Variants in ATG3 observed in about 807,000 individuals in gnomAD.
ATG3 encodes the protein ubiquitin-like-conjugating enzyme ATG3.
A neutral mutation model predicts 50.7 loss-of-function variants in ATG3; 25 were observed. That is an observed-to-expected ratio of 0.49 (90% CI 0.36 to 0.69). ATG3 has a LOEUF of 0.69. ATG3 is among the 30% of genes least tolerant of loss of function. The pLI, the probability that ATG3 is intolerant of heterozygous loss-of-function variation, is 0.00. For missense variants in ATG3, 281 were observed against 376.0 expected, an observed-to-expected ratio of 0.75 and a Z score of 2.09; for synonymous variants, 119 against 125.5, an observed-to-expected ratio of 0.95 and a Z score of 0.34.
At chr3:112,538,212 A>G in intron 7 of ATG3, 32 bp from the exon 8 acceptor site, 1 of 1,502,238 alleles carries the variant, frequency 6.7e-7, no homozygotes, top group Non-Finnish European at 9.1e-7. Flanking sequence ...AGATTAATCA[A>G]GTTCAAGTTC....
At position 112,533,801 on chromosome 3, in the gene ATG3, CTT is replaced by C; in HGVS notation, c.863+466_863+467del. The stretch of plus-strand genomic sequence containing the variant: ...TAAGATACAAGAAAGGTGCTACTGT[CTT>C]GAGAAAAATGAACGTACTATATTTT... On this transcript the variant is annotated intron_variant, in intron 11 of 11. Coordinates refer to ENST00000283290, the MANE Select transcript of ATG3 (RefSeq NM_022488.5). 3 of 985,622 alleles carry C rather than the reference CTT, an allele frequency of 3.0e-6. No individual in the cohort carries two copies. In the South Asian group the frequency reaches 1.4e-4, roughly 46 times the overall value. 61.1% of individuals were successfully genotyped at this position (985,622 alleles called of 1,614,324 possible).
At chr3:112,549,456 A>G (rs1197399565) in intron 4 of ATG3, among the ~76,000 whole-genome samples, 2 of 152,210 alleles carry the variant, frequency 1.3e-5, no homozygotes, top group Non-Finnish European at 2.9e-5. Flanking sequence ...TTTTGTGATT[A>G]GTTAGGAACT....
chr3:112,532,621 A>G lies in ATG3; in HGVS notation c.*78T>C. ...AGAGAAACTGTATATATTGATGAAT[A>G]TGGTCAATGGTCACATCTATGGGTT... On this transcript the variant is annotated 3_prime_UTR_variant, in exon 12 of 12. Coordinates refer to ENST00000283290, the MANE Select transcript of ATG3 (RefSeq NM_022488.5). 3.7e-6 allele frequency: 4 copies of G among 1,070,418 alleles called. No individual in the cohort carries two copies. In the South Asian group the frequency reaches 6.5e-5, roughly 17 times the overall value. 66.3% of individuals were successfully genotyped at this position (1,070,418 alleles called of 1,614,324 possible). A position where few individuals can be genotyped will look rare whatever the true frequency, so the allele number is the denominator to read the frequency against.
At chr3:112,549,248 G>A (rs972891080) in intron 4 of ATG3, among the ~76,000 whole-genome samples, 5 of 152,088 alleles carry the variant, frequency 3.3e-5, no homozygotes, top group Admixed American at 6.5e-5. Flanking sequence ...CTAAGATTGG[G>A]TAATTATATG....
chr3:112,533,983 A>G (rs1381874017), intron 11 of ATG3: 29 of 1,158,322 alleles, frequency 2.5e-5, no homozygotes, highest in Non-Finnish European at 3.0e-5. Flanking sequence ...TTAAACTGGA[A>G]ATGTACATAA....
chr3:112,553,109 C>T (rs1319026295), intron 3 of ATG3, among the ~76,000 whole-genome samples, 171 bp downstream of exon 3: 1 of 152,132 alleles, frequency 6.6e-6, no homozygotes, highest in Admixed American at 6.5e-5. Flanking sequence ...AGGTATAACA[C>T]CCACTTGTTC....
intron 10 of ATG3, 90 bp from the exon 11 acceptor site, chr3:112,534,427 T>C (rs1932967448): frequency 1.0e-6 from 1 of 997,834 alleles, no homozygotes; most frequent in Non-Finnish European, 1.4e-6. Flanking sequence ...AAATCGACCC[T>C]ATTACTCTCA....
chr3:112,561,550 G>A lies in ATG3; in HGVS notation c.-22C>T. 1.9e-6 allele frequency: 3 copies of A among 1,595,234 alleles called. No individual in the cohort carries two copies. Among genetic ancestry groups the A allele is most frequent in the African/African-American group, 1.3e-5 (1 of 74,690 alleles). ...GCATCCTGGGGCCGGAGTAGCGGCCGGCCCCGCGACGGGATGGAAAGTGCA... is the reference window on the plus strand; with the variant it reads ...GCATCCTGGGGCCGGAGTAGCGGCCAGCCCCGCGACGGGATGGAAAGTGCA... On this transcript the variant is annotated 5_prime_UTR_variant, in exon 1 of 12. Coordinates refer to ENST00000283290, the MANE Select transcript of ATG3 (RefSeq NM_022488.5).
intron 5 of ATG3, among the ~76,000 whole-genome samples, chr3:112,546,796 A>G (rs1342738491): frequency 1.3e-5 from 2 of 152,240 alleles, no homozygotes; most frequent in Non-Finnish European, 2.9e-5. Context: ...AGGCATGGAA[A>G]AGTCAAAGCA....
chr3:112,557,837 TTAAA>T (rs1475966296), intron 2 of ATG3, among the ~76,000 whole-genome samples: 1 of 151,920 alleles, frequency 6.6e-6, no homozygotes, highest in Non-Finnish European at 1.5e-5. Flanking sequence ...AAATTCAAGC[TTAAA>T]TAAATTGTCT....
At chr3:112,539,925 C>G (rs1933181862) in intron 7 of ATG3, among the ~76,000 whole-genome samples, 1 of 152,202 alleles carries the variant, frequency 6.6e-6, no homozygotes, top group African/African-American at 2.4e-5. Flanking sequence ...TGCTACCCCA[C>G]CACCCCAACT....
In ATG3 at chr3:112,561,576, G is replaced by C. The variant is rs746807229; in HGVS notation, c.-48C>G. The C allele has an allele frequency of 6.3e-7, 1 of 1,575,912 alleles. No individual in the cohort carries two copies. The highest frequency in any genetic ancestry group is 8.6e-7 in the Non-Finnish European group (1 of 1,156,496). On this transcript the variant is annotated 5_prime_UTR_variant, in exon 1 of 12. Transcript: ENST00000283290. ...GCCCCGCGACGGGATGGAAAGTGCA[G>C]CCGTGTCAGGGGCCAGGGAGTCAGA...
chr3:112,543,785 T>C (rs918605206), intron 6 of ATG3, among the ~76,000 whole-genome samples: 2 of 152,160 alleles, frequency 1.3e-5, no homozygotes, highest in Non-Finnish European at 2.9e-5. Flanking sequence ...TGAAAATTAG[T>C]AGTTTGTACA....
At chr3:112,538,370 C>CA in intron 7 of ATG3, 190 bp from the exon 8 acceptor site, 1 of 545,140 alleles carries the variant, frequency 1.8e-6, no homozygotes. Flanking sequence ...CAGAGAAAGC[C>CA]AGCATGTTTA....
chr3:112,554,960 C>T (rs1933625251), intron 2 of ATG3, among the ~76,000 whole-genome samples: 1 of 152,200 alleles, frequency 6.6e-6, no homozygotes, highest in Non-Finnish European at 1.5e-5. Flanking sequence ...ACAATAGTCT[C>T]TTCCCCAAAT....
chr3:112,534,385 G>A (rs772450051), intron 10 of ATG3, 48 bp from the exon 11 acceptor site: 152 of 1,420,272 alleles, frequency 1.1e-4, no homozygotes, highest in Non-Finnish European at 1.4e-4. Context: ...CGATTAGACC[G>A]AAAGAAGAAA....
Position 112,537,679 on chromosome 3 carries a change from T to C in ATG3, c.666+56A>G, listed in dbSNP as rs909840710. 4 of 1,373,370 alleles carry C rather than the reference T, an allele frequency of 2.9e-6. No homozygotes were observed. The East Asian group carries it at 1.0e-4, about 35-fold the overall frequency. 85.1% of individuals were successfully genotyped at this position (1,373,370 alleles called of 1,614,324 possible). On this transcript the variant is annotated intron_variant, in intron 9 of 11. Transcript: ENST00000283290. ...ACTCATGGACCTAATGAAGAAGAAA[T>C]TAAAACCCAACAATTTAAAATATTG...
intron 11 of ATG3, chr3:112,533,603 T>G (rs2082571459): frequency 1.0e-6 from 1 of 985,238 alleles, no homozygotes; most frequent in Non-Finnish European, 1.2e-6. Flanking sequence ...AGTCAAGTAT[T>G]AACCTAGCAT....
chr3:112,535,311 C>T (rs1178975852), intron 10 of ATG3: 2 of 152,048 alleles, frequency 1.3e-5, no homozygotes, highest in African/African-American at 4.8e-5. Flanking sequence ...TCTAAAATGT[C>T]CTTGAAGTTT....
Sources: allele counts gnomAD v4.1 joint callset (sites outside exome capture counted in the v4.1 genomes callset), GRCh38; gene constraint gnomAD v4.1.1; transcripts MANE v1.5; gene names NCBI Gene and HGNC (gene_info 2026-07-23, HGNC 2026-07-21).